Variants in RARB observed in about 807,000 individuals in gnomAD.
The protein encoded by RARB is retinoic acid receptor beta, also known as HBV-activated protein.
Under a neutral mutation model 51.9 loss-of-function variants are expected in RARB, and 17 were observed. The observed-to-expected ratio is 0.33, with a 90% CI of 0.22 to 0.49. RARB has a LOEUF of 0.49. Ranked by LOEUF, RARB falls within the 20% of genes least tolerant of loss-of-function variation. The pLI, the probability that RARB is intolerant of heterozygous loss-of-function variation, is 0.99. For missense variants in RARB, 369 were observed against 550.8 expected (o/e 0.67, Z 3.30); for synonymous variants, 215 against 195.4 (o/e 1.10, Z -0.84).
chr3:25,184,236 T>G (rs756248008), intron 5 of RARB, among the ~76,000 whole-genome samples: 1 of 152,120 alleles, frequency 6.6e-6, no homozygotes, highest in Non-Finnish European at 1.5e-5. Flanking sequence ...AATTTAGTGC[T>G]GAGATCCTTT....
intron 2 of RARB, among the ~76,000 whole-genome samples, chr3:25,496,500 T>C (rs917202774): frequency 3.3e-5 from 5 of 152,128 alleles, no homozygotes; most frequent in Admixed American, 6.5e-5. Flanking sequence ...GCAAGGAAGG[T>C]GGCACACTTG....
At position 25,553,197 on chromosome 3, in the gene RARB, A is replaced by G. The variant is rs550890343; in HGVS notation, c.449-16561A>G. Among the ~76,000 whole-genome samples, 15 of 150,304 alleles carry G rather than the reference A, an allele frequency of 1.0e-4. No homozygotes were observed. The South Asian group carries it at 3.0e-3, about 30-fold the overall frequency. On this transcript the variant is annotated intron_variant, in intron 3 of 7. Coordinates refer to ENST00000330688, the MANE Select transcript of RARB (RefSeq NM_000965.5). ...AGATTTGAGTAAATAAAACACAACTATATTGATTGCTACCTACAGACTTTT... is the reference window on the plus strand; with the variant it reads ...AGATTTGAGTAAATAAAACACAACTGTATTGATTGCTACCTACAGACTTTT...
intron 2 of RARB, among the ~76,000 whole-genome samples, chr3:25,006,028 C>G (rs1697265193): frequency 6.6e-6 from 1 of 152,074 alleles, no homozygotes; most frequent in South Asian, 2.1e-4. Flanking sequence ...GGCTTTTGCA[C>G]TCACTGTTCC....
At chr3:24,901,897 T>C (rs1703614800) in intron 2 of RARB, among the ~76,000 whole-genome samples, 1 of 152,078 alleles carries the variant, frequency 6.6e-6, no homozygotes, top group African/African-American at 2.4e-5. Context: ...ACGTTAATAA[T>C]AATAAGTTGG....
intron 5 of RARB, among the ~76,000 whole-genome samples, chr3:25,588,876 G>A (rs1701507583): frequency 6.6e-6 from 1 of 152,148 alleles, no homozygotes; most frequent in Admixed American, 6.5e-5. Flanking sequence ...AAGCAAGAAG[G>A]AAGTGACAAT....
At chr3:25,161,436 C>G (rs925797300) in intron 4 of RARB, among the ~76,000 whole-genome samples, 1 of 152,084 alleles carries the variant, frequency 6.6e-6, no homozygotes, top group Non-Finnish European at 1.5e-5. Context: ...GAACATGGAA[C>G]CTGTGGGGGC....
chr3:25,024,272 C>T (rs146741029), intron 2 of RARB, among the ~76,000 whole-genome samples: 17 of 152,222 alleles, frequency 1.1e-4, no homozygotes, highest in Admixed American at 3.3e-4. Flanking sequence ...TTAGTAGGTG[C>T]GGCCAAAATA....
chr3:25,108,804 T>G (rs1367499919), intron 3 of RARB, among the ~76,000 whole-genome samples: 1 of 152,222 alleles, frequency 6.6e-6, no homozygotes, highest in Non-Finnish European at 1.5e-5. Context: ...TTTTTATAAT[T>G]AAGCTAATTT....
chr3:25,531,401 TA>T (rs1698910006), intron 3 of RARB, among the ~76,000 whole-genome samples: 4 of 46,734 alleles, frequency 8.6e-5, no homozygotes, highest in Non-Finnish European at 1.4e-4. Flanking sequence ...GATAGATAGA[TA>T]GATAGATAGA....
chr3:25,251,616 G>T (rs1434241757), intron 5 of RARB, among the ~76,000 whole-genome samples: 1 of 152,120 alleles, frequency 6.6e-6, no homozygotes, highest in Non-Finnish European at 1.5e-5. Flanking sequence ...GACTAATGAT[G>T]TTGGACAGGT....
intron 3 of RARB, among the ~76,000 whole-genome samples, chr3:25,118,970 A>T (rs1699735435): frequency 6.6e-6 from 1 of 152,198 alleles, no homozygotes; most frequent in Non-Finnish European, 1.5e-5. Flanking sequence ...CAGAGAATAT[A>T]CAGCTTTGAC....
intron 3 of RARB, among the ~76,000 whole-genome samples, chr3:25,129,501 A>G (rs1699911859): frequency 6.6e-6 from 1 of 152,094 alleles, no homozygotes. Flanking sequence ...AATAGATTCA[A>G]TAGCCTCATT....
intron 2 of RARB, among the ~76,000 whole-genome samples, chr3:24,901,360 G>C (rs1055590077): frequency 7.2e-5 from 11 of 152,104 alleles, no homozygotes; most frequent in African/African-American, 2.7e-4. Context: ...TCTGAAAGGA[G>C]AACAACAGAA....
intron 5 of RARB, among the ~76,000 whole-genome samples, chr3:25,203,246 A>G (rs541733803): frequency 7.9e-5 from 12 of 152,226 alleles, no homozygotes; most frequent in African/African-American, 2.6e-4. Flanking sequence ...AGAGACTAGG[A>G]TTGCAACCCC....
At chr3:25,495,666 AG>A (rs758608158) in intron 2 of RARB, among the ~76,000 whole-genome samples, 1 of 152,234 alleles carries the variant, frequency 6.6e-6, no homozygotes, top group Non-Finnish European at 1.5e-5. Flanking sequence ...AGCATGAGGT[AG>A]GAAGATTGAA....
chr3:25,000,932 T>G (rs1418409887), intron 2 of RARB, among the ~76,000 whole-genome samples: 3 of 152,166 alleles, frequency 2.0e-5, no homozygotes, highest in African/African-American at 7.2e-5. Context: ...ATGTGTAGTT[T>G]TCACATAGCA....
At chr3:25,104,799 A>G (rs999575670) in intron 3 of RARB, among the ~76,000 whole-genome samples, 4 of 152,246 alleles carry the variant, frequency 2.6e-5, no homozygotes, top group Non-Finnish European at 5.9e-5. Flanking sequence ...GTGTAACTAC[A>G]TGCCACAATA....
chr3:25,417,228 T>C (rs1273387223), intron 5 of RARB, among the ~76,000 whole-genome samples: 1 of 150,412 alleles, frequency 6.6e-6, no homozygotes, highest in African/African-American at 2.4e-5. Flanking sequence ...TGCCTGTCTC[T>C]GAATCTGAAG....
chr3:25,473,931 A>AAAAAAAAAC (rs1425972724), intron 2 of RARB, among the ~76,000 whole-genome samples: 13 of 151,590 alleles, frequency 8.6e-5, no homozygotes, highest in Non-Finnish European at 1.5e-4. Flanking sequence ...GAAAAAAAAA[A>AAAAAAAAAC]AACCTTTATC....
Sources: gnomAD v4.1 joint callset for allele counts (sites outside exome capture counted in the v4.1 genomes callset) on GRCh38, gnomAD v4.1.1 for gene constraint, MANE v1.5 for transcripts, NCBI Gene and HGNC (gene_info 2026-07-23, HGNC 2026-07-21) for gene names.